Variants in FSTL5 observed in about 807,000 individuals in gnomAD.
The protein encoded by FSTL5 is follistatin like 5, also known as follistatin-related protein 5.
Under a neutral mutation model 89.1 loss-of-function variants are expected in FSTL5, and 62 were observed. That is an observed-to-expected ratio of 0.70 (90% confidence interval 0.57 to 0.86). The LOEUF (loss-of-function observed/expected upper bound fraction) is 0.86. Ranked by LOEUF, FSTL5 falls within the 40% of genes least tolerant of loss-of-function variation. The pLI is 0.00. For synonymous variants in FSTL5, 383 were observed against 346.2 expected (o/e 1.11, Z -1.18); for missense variants, 1,057 against 1,001.6 (o/e 1.06, Z -0.75).
At chr4:161,428,401 G>A (rs552267291) in intron 15 of FSTL5, among the ~76,000 whole-genome samples, 18 of 152,348 alleles carry the variant, frequency 1.2e-4, no homozygotes, top group African/African-American at 4.3e-4. Context: ...GACCTAGGGC[G>A]TGGTTGCACC....
At chr4:162,132,278 T>C (rs1223976595) in intron 1 of FSTL5, among the ~76,000 whole-genome samples, 1 of 152,202 alleles carries the variant, frequency 6.6e-6, no homozygotes, top group African/African-American at 2.4e-5. Context: ...TTGTAGGCAC[T>C]ACAGTGCTCC....
chr4:162,111,369 C>G lies in FSTL5; in HGVS notation c.28G>C (p.Val10Leu), dbSNP rs76363590. 1,313 of 1,612,368 alleles carry G rather than the reference C, an allele frequency of 8.1e-4. 10 individuals are homozygous for G. In the African/African-American group the frequency reaches 0.015, roughly 19 times the overall value. The change falls in exon 2 of 16, where the codon GTT becomes CTT. Residue 10 changes from valine (V) to leucine (L), a missense_variant. This residue lies in a region of FSTL5 where 980 missense variants were observed against 903.2 expected (regional missense o/e 1.08). Coordinates refer to ENST00000306100, the MANE Select transcript of FSTL5 (RefSeq NM_020116.5). MFKCWSVVLVLGFIFLESEG... is the reference protein window; with the variant it reads MFKCWSVVLLLGFIFLESEG... Reference sequence around the variant, plus strand: ...GACTCCAGAAAAATGAATCCGAGAACCAAGACAACTGACCAGCACTTAAAC... The same window carrying G: ...GACTCCAGAAAAATGAATCCGAGAAGCAAGACAACTGACCAGCACTTAAAC...
At chr4:162,108,860 T>C (rs1492468) in intron 2 of FSTL5, among the ~76,000 whole-genome samples, 128,304 of 151,770 alleles carry the variant, frequency 0.85, 54,571 homozygotes, top group Non-Finnish European at 0.89. Flanking sequence ...TAAAGTCATT[T>C]GTTCGCCATA....
At chr4:162,102,768 AT>A (rs1177110090) in intron 2 of FSTL5, among the ~76,000 whole-genome samples, 1 of 146,616 alleles carries the variant, frequency 6.8e-6, no homozygotes, top group Non-Finnish European at 1.5e-5. Context: ...TGTATAACAT[AT>A]TTATATATAT....
At chr4:161,490,927 T>A (rs1729849114) in intron 12 of FSTL5, among the ~76,000 whole-genome samples, 1 of 2,624 alleles carries the variant, frequency 3.8e-4, no homozygotes, top group African/African-American at 4.3e-4. Context: ...AAAAGATTTG[T>A]TTTTTAAAAA....
At chr4:162,066,927 T>C (rs1354477350) in intron 2 of FSTL5, among the ~76,000 whole-genome samples, 3 of 152,124 alleles carry the variant, frequency 2.0e-5, no homozygotes, top group Non-Finnish European at 4.4e-5. Context: ...GAATGAATTA[T>C]AATCCTTTGG....
chr4:161,645,460 C>T (rs899144674), intron 7 of FSTL5, among the ~76,000 whole-genome samples: 14 of 151,840 alleles, frequency 9.2e-5, no homozygotes, highest in African/African-American at 3.1e-4. Flanking sequence ...GAATAAAGAC[C>T]TTTAAAAATA....
At chr4:162,020,835 A>G (rs1737057000) in intron 3 of FSTL5, among the ~76,000 whole-genome samples, 1 of 152,158 alleles carries the variant, frequency 6.6e-6, no homozygotes, top group African/African-American at 2.4e-5. Flanking sequence ...AATATTTATG[A>G]TTTTTCAGCA....
chr4:161,700,149 T>C (rs1404912081), intron 6 of FSTL5, among the ~76,000 whole-genome samples: 1 of 152,208 alleles, frequency 6.6e-6, no homozygotes, highest in Non-Finnish European at 1.5e-5. Flanking sequence ...TTTTAATATG[T>C]ATAAAAATCA....
chr4:161,745,147 C>G (rs1242176172), intron 6 of FSTL5, among the ~76,000 whole-genome samples: 1 of 151,962 alleles, frequency 6.6e-6, no homozygotes, highest in Non-Finnish European at 1.5e-5. Flanking sequence ...TTGATTGAAG[C>G]TGATAAGTCC....
At chr4:161,779,406 GTTA>G (rs1741540184) in intron 4 of FSTL5, among the ~76,000 whole-genome samples, 1 of 151,980 alleles carries the variant, frequency 6.6e-6, no homozygotes, top group African/African-American at 2.4e-5. Context: ...ATATGTGTAT[GTTA>G]TTAATAATAG....
intron 3 of FSTL5, among the ~76,000 whole-genome samples, chr4:161,941,619 C>T (rs560061579): frequency 6.7e-4 from 102 of 151,980 alleles, no homozygotes; most frequent in African/African-American, 2.4e-3. Context: ...AACATATATG[C>T]ACCAAATCTC....
chr4:161,551,772 T>G (rs1214185370), intron 8 of FSTL5, among the ~76,000 whole-genome samples: 3 of 152,078 alleles, frequency 2.0e-5, no homozygotes, highest in African/African-American at 7.2e-5. Flanking sequence ...CTGGGAAAAC[T>G]GGCTAGCCAT....
At chr4:162,060,654 A>T (rs578077395) in intron 2 of FSTL5, among the ~76,000 whole-genome samples, 2 of 151,536 alleles carry the variant, frequency 1.3e-5, no homozygotes, top group South Asian at 2.1e-4. Flanking sequence ...CTGGATTGTT[A>T]TTTGATTTTT....
intron 4 of FSTL5, among the ~76,000 whole-genome samples, chr4:161,825,697 G>C (rs1348173661): frequency 6.6e-6 from 1 of 152,022 alleles, no homozygotes; most frequent in Non-Finnish European, 1.5e-5. Flanking sequence ...TAGTAGCCTT[G>C]AATGATATTT....
intron 2 of FSTL5, chr4:162,035,485 G>C (rs746635202): frequency 6.6e-6 from 1 of 152,038 alleles, no homozygotes; most frequent in Non-Finnish European, 1.5e-5. Context: ...ACATACAAGA[G>C]TTCTTAGCAT....
intron 2 of FSTL5, among the ~76,000 whole-genome samples, chr4:162,097,870 T>C (rs188245240): frequency 6.6e-6 from 1 of 152,082 alleles, no homozygotes; most frequent in African/African-American, 2.4e-5. Flanking sequence ...CTGTTGGGAA[T>C]GGAAAATTGT....
At chr4:161,712,912 T>A (rs1355978380) in intron 6 of FSTL5, among the ~76,000 whole-genome samples, 2 of 152,170 alleles carry the variant, frequency 1.3e-5, no homozygotes, top group African/African-American at 4.8e-5. Flanking sequence ...ATTGTAAGCT[T>A]TCTAAGGCCT....
chr4:162,117,664 A>G (rs1001658587), intron 1 of FSTL5, among the ~76,000 whole-genome samples: 1 of 152,200 alleles, frequency 6.6e-6, no homozygotes, highest in Non-Finnish European at 1.5e-5. Context: ...ATTTTATTCA[A>G]ATGAAATGAC....
Sources: gnomAD v4.1 joint callset for allele counts (sites outside exome capture counted in the v4.1 genomes callset) on GRCh38, gnomAD v4.1.1 for gene constraint, gnomAD v4.1.1 regional missense constraint, MANE v1.5 for transcripts, NCBI Gene and HGNC (gene_info 2026-07-23, HGNC 2026-07-21) for gene names.